TASP1: variants seen among roughly 807,000 people sequenced by gnomAD.
The protein encoded by TASP1 is taspase 1, also known as threonine aspartase 1.
In TASP1, 16 loss-of-function variants were observed where a neutral mutation model predicts 56.6. The ratio of observed to expected loss-of-function variants is 0.28; its 90% CI spans 0.19 to 0.43. The LOEUF (loss-of-function observed/expected upper bound fraction) is 0.43, where lower values mean the gene tolerates loss of function less well. Among genes scored for constraint, TASP1 ranks in the 20% least tolerant of loss-of-function variants. The pLI is 1.00. For synonymous variants in TASP1, 179 were observed against 184.2 expected, an observed-to-expected ratio of 0.97 and a Z score of 0.23; for missense variants, 393 against 511.6, an observed-to-expected ratio of 0.77 and a Z score of 2.24.
At chr20:13,498,591 G>A (rs202246212) in intron 10 of TASP1, among the ~76,000 whole-genome samples, 8 of 151,812 alleles carry the variant, frequency 5.3e-5, no homozygotes, top group East Asian at 3.9e-4. Context: ...ACTCCTGACC[G>A]CCTCGGCCTC....
intron 10 of TASP1, 73 bp downstream of exon 10, chr20:13,528,360 A>T (rs778549759): frequency 4.5e-6 from 6 of 1,344,568 alleles, no homozygotes; most frequent in Non-Finnish European, 6.3e-6. Context: ...GTTTACCCAC[A>T]AATATTGCTT....
chr20:13,134,908 G>T, the TASP1 span, among the ~76,000 whole-genome samples: 1 of 152,182 alleles, frequency 6.6e-6, no homozygotes, highest in South Asian at 2.1e-4. Context: ...GTTACTACTA[G>T]CACCTTGCCT....
chr20:13,297,930 G>A, the TASP1 span, among the ~76,000 whole-genome samples: 1 of 152,060 alleles, frequency 6.6e-6, no homozygotes, highest in Non-Finnish European at 1.5e-5. Context: ...TCTTTGAGGC[G>A]CCTTGCCATG....
At chr20:13,311,251 A>AGAT in the TASP1 span, among the ~76,000 whole-genome samples, 230 of 127,566 alleles carry the variant, frequency 1.8e-3, 1 homozygote, top group African/African-American at 6.6e-3. Flanking sequence ...GATGATAGAT[A>AGAT]GATAGATAGA....
intron 12 of TASP1, among the ~76,000 whole-genome samples, chr20:13,418,182 G>A (rs1340735782): frequency 2.0e-5 from 3 of 152,196 alleles, no homozygotes; most frequent in Non-Finnish European, 4.4e-5. Context: ...AAAGTGCTGA[G>A]ATTACAGGTG....
chr20:13,596,319 G>A (rs1239885693), intron 4 of TASP1, among the ~76,000 whole-genome samples: 2 of 151,126 alleles, frequency 1.3e-5, no homozygotes, highest in South Asian at 4.2e-4. Flanking sequence ...AGGTTGCAGT[G>A]AGCCAAGATC....
At chr20:13,297,956 C>T in the TASP1 span, among the ~76,000 whole-genome samples, 1 of 152,078 alleles carries the variant, frequency 6.6e-6, no homozygotes, top group African/African-American at 2.4e-5. Context: ...TTGCAGACAG[C>T]GATGGTTACA....
intron 4 of TASP1, among the ~76,000 whole-genome samples, chr20:13,605,008 A>ATATG (rs1471895830): frequency 6.8e-6 from 1 of 146,690 alleles, no homozygotes; most frequent in Non-Finnish European, 1.5e-5. Flanking sequence ...ATATATATAT[A>ATATG]TATATGTATT....
intron 11 of TASP1, among the ~76,000 whole-genome samples, chr20:13,458,376 T>C (rs1444447066): frequency 6.6e-6 from 1 of 152,162 alleles, no homozygotes; most frequent in African/African-American, 2.4e-5. Flanking sequence ...AGATGGGGTT[T>C]CGCTCTTGTT....
At chr20:13,455,514 G>C (rs757616078) in intron 11 of TASP1, among the ~76,000 whole-genome samples, 7 of 152,104 alleles carry the variant, frequency 4.6e-5, no homozygotes, top group Non-Finnish European at 1.0e-4. Flanking sequence ...AACTTATGGT[G>C]AAGGTTGGGT....
chr20:13,425,127 T>G (rs2042575754), intron 12 of TASP1, among the ~76,000 whole-genome samples: 1 of 152,210 alleles, frequency 6.6e-6, no homozygotes. Flanking sequence ...TTGGAACAAG[T>G]AAATTTATAT....
At chr20:13,453,060 C>G (rs2070334) in intron 11 of TASP1, among the ~76,000 whole-genome samples, 2 of 151,802 alleles carry the variant, frequency 1.3e-5, no homozygotes, top group South Asian at 4.2e-4. Flanking sequence ...TAATGATTAA[C>G]GAAAGGAGCC....
chr20:13,287,608 G>T, the TASP1 span, among the ~76,000 whole-genome samples: 9 of 152,112 alleles, frequency 5.9e-5, no homozygotes, highest in African/African-American at 1.9e-4. Context: ...GTTTATTGAT[G>T]ATTGTTTCTC....
At chr20:13,562,991 CATATATACACACACATAGGTGT>C (rs1367900340) in intron 7 of TASP1, among the ~76,000 whole-genome samples, 57 of 130,830 alleles carry the variant, frequency 4.4e-4, no homozygotes, top group African/African-American at 1.4e-3. Context: ...TGTATATACA[CATATATACACACACATAGGTGT>C]ATATATACAC....
At chr20:13,413,269 A>G (rs1036688290) in intron 13 of TASP1, among the ~76,000 whole-genome samples, 3 of 152,192 alleles carry the variant, frequency 2.0e-5, no homozygotes, top group African/African-American at 4.8e-5. Flanking sequence ...TGAGGGAAAT[A>G]TGGTATGGGC....
the TASP1 span, among the ~76,000 whole-genome samples, chr20:13,197,807 G>A: frequency 1.3e-5 from 2 of 152,144 alleles, no homozygotes; most frequent in Admixed American, 1.3e-4. Flanking sequence ...ATTGCCTAGA[G>A]TTCAAATTCT....
chr20:13,139,163 G>A, the TASP1 span, among the ~76,000 whole-genome samples: 1 of 152,118 alleles, frequency 6.6e-6, no homozygotes, highest in South Asian at 2.1e-4. Context: ...AAGAAACTAT[G>A]TTTTTGTGAC....
chr20:13,453,570 C>G (rs185846970), intron 11 of TASP1, among the ~76,000 whole-genome samples: 1 of 152,088 alleles, frequency 6.6e-6, no homozygotes, highest in African/African-American at 2.4e-5. Flanking sequence ...GATTTAAGAG[C>G]CTAAACTGAA....
chr20:13,350,019 C>T, the TASP1 span, among the ~76,000 whole-genome samples: 7 of 152,154 alleles, frequency 4.6e-5, no homozygotes, highest in South Asian at 1.5e-3. Flanking sequence ...GGTATGGTGG[C>T]ATGCACCTAT....
Sources: gnomAD v4.1 joint callset for allele counts (sites outside exome capture counted in the v4.1 genomes callset) on GRCh38, gnomAD v4.1.1 for gene constraint, MANE v1.5 for transcripts, NCBI Gene and HGNC (gene_info 2026-07-23, HGNC 2026-07-21) for gene names.